Variants in MACROD2 observed in about 807,000 individuals in gnomAD.
The protein encoded by MACROD2 is ADP-ribose glycohydrolase MACROD2.
MACROD2 carries 36 observed loss-of-function variants against 70.4 expected under a neutral mutation model. The ratio of observed to expected loss-of-function variants is 0.51; its 90% CI spans 0.39 to 0.68. MACROD2 has a LOEUF of 0.68. MACROD2 is among the 30% of genes least tolerant of loss of function. MACROD2 has a pLI of 0.00. For missense variants in MACROD2, 496 were observed against 538.4 expected (o/e 0.92, Z 0.78); for synonymous variants, 172 against 178.8 (o/e 0.96, Z 0.30).
chr20:15,713,993 A>ACGCG lies in MACROD2; in HGVS notation c.646-148751_646-148750insGCGC, dbSNP rs146331658. ...AGTAAACACACACACATATGCACACACACACACACACACACACACACACAC... is the reference window on the plus strand; with the variant it reads ...AGTAAACACACACACATATGCACACACGCGCACACACACACACACACACACACAC... On this transcript the variant is annotated intron_variant, in intron 8 of 17. Transcript: ENST00000684519. 9.4e-4 allele frequency among the ~76,000 whole-genome samples: 118 copies of ACGCG among 125,756 alleles called. 1 individual carries two copies. Among genetic ancestry groups the ACGCG allele is most frequent in the African/African-American group, 3.3e-3 (70 of 21,048 alleles). The allele number at this position is 125,756 out of a possible 152,430, so 82.5% of individuals were successfully genotyped here.
chr20:16,000,903 C>T (rs1310413598), intron 15 of MACROD2, among the ~76,000 whole-genome samples: 1 of 152,178 alleles, frequency 6.6e-6, no homozygotes, highest in East Asian at 1.9e-4. Flanking sequence ...TACATTTATA[C>T]AGTGGTTGGA....
intron 8 of MACROD2, among the ~76,000 whole-genome samples, chr20:15,754,639 A>G (rs2051320871): frequency 6.6e-6 from 1 of 152,022 alleles, no homozygotes; most frequent in South Asian, 2.1e-4. Flanking sequence ...AAAAGAAAAA[A>G]AAAAAGAGCC....
intron 8 of MACROD2, among the ~76,000 whole-genome samples, chr20:15,793,779 T>C (rs2063647169): frequency 6.7e-6 from 1 of 148,318 alleles, no homozygotes; most frequent in East Asian, 1.9e-4. Context: ...ATTTTAAGAA[T>C]ATTGGGGATT....
intron 3 of MACROD2, among the ~76,000 whole-genome samples, chr20:14,348,963 G>A (rs150268816): frequency 6.6e-6 from 1 of 152,136 alleles, no homozygotes; most frequent in Non-Finnish European, 1.5e-5. Flanking sequence ...AGCTACTTGG[G>A]AGGCTGAGGT....
Position 15,499,759 on chromosome 20 carries a change from C to T in MACROD2, c.572-15C>T. 1 of 1,613,100 alleles carries T rather than the reference C, an allele frequency of 6.2e-7. No individual in the cohort carries two copies. The highest frequency in any genetic ancestry group is 8.5e-7 in the Non-Finnish European group (1 of 1,179,262). ...TCTTTCGTTGTTCATTTGTTTTTTC[C>T]TGCTCTTCATCTAGGCTTTCCCAAC... On this transcript the variant is annotated splice_polypyrimidine_tract_variant and intron_variant, in intron 7 of 17. Transcript: ENST00000684519.
At chr20:14,395,675 C>G (rs1054129750) in intron 3 of MACROD2, among the ~76,000 whole-genome samples, 1 of 152,068 alleles carries the variant, frequency 6.6e-6, no homozygotes, top group East Asian at 1.9e-4. Context: ...AAAGTGGCAG[C>G]TAGGTCATTA....
At chr20:15,808,545 CT>C (rs1163053314) in intron 8 of MACROD2, among the ~76,000 whole-genome samples, 1 of 152,074 alleles carries the variant, frequency 6.6e-6, no homozygotes, top group African/African-American at 2.4e-5. Flanking sequence ...TTTCAACTTA[CT>C]ATTTTACTTA....
intron 8 of MACROD2, among the ~76,000 whole-genome samples, chr20:15,753,027 A>G (rs2051295473): frequency 6.6e-6 from 1 of 152,198 alleles, no homozygotes; most frequent in African/African-American, 2.4e-5. Flanking sequence ...TGAGAAATTT[A>G]TACTCTTTTG....
At chr20:15,699,449 G>T (rs1157311868) in intron 8 of MACROD2, among the ~76,000 whole-genome samples, 1 of 152,154 alleles carries the variant, frequency 6.6e-6, no homozygotes, top group African/African-American at 2.4e-5. Flanking sequence ...TCTCAGCCAC[G>T]GATACCAGCA....
intron 3 of MACROD2, among the ~76,000 whole-genome samples, chr20:14,489,702 C>G (rs1221632311): frequency 6.6e-6 from 1 of 152,020 alleles, no homozygotes; most frequent in Admixed American, 6.6e-5. Flanking sequence ...AAACTCTGTA[C>G]GAATAGTTTT....
intron 5 of MACROD2, among the ~76,000 whole-genome samples, chr20:14,940,955 T>A (rs1019292306): frequency 2.5e-4 from 38 of 152,318 alleles, no homozygotes; most frequent in African/African-American, 8.2e-4. Context: ...TTTTGAAGAA[T>A]TTGAGTAGAA....
At chr20:15,760,904 A>G (rs529963655) in intron 8 of MACROD2, among the ~76,000 whole-genome samples, 13 of 152,250 alleles carry the variant, frequency 8.5e-5, no homozygotes, top group Non-Finnish European at 1.8e-4. Context: ...AGGAGAAAAA[A>G]CAAAAAGGCT....
intron 5 of MACROD2, among the ~76,000 whole-genome samples, chr20:15,186,562 G>C (rs1374289551): frequency 1.3e-5 from 2 of 152,036 alleles, no homozygotes; most frequent in East Asian, 3.9e-4. Flanking sequence ...TGTTGGAGAT[G>C]GTATACCCAA....
chr20:15,318,194 T>C (rs556216677), intron 6 of MACROD2, among the ~76,000 whole-genome samples: 1 of 152,238 alleles, frequency 6.6e-6, no homozygotes, highest in Non-Finnish European at 1.5e-5. Flanking sequence ...CATAAGAGAA[T>C]ATTTGAACTA....
Position 15,338,118 on chromosome 20 carries a change from C to T in MACROD2, c.541-93287C>T, listed in dbSNP as rs187116543. Among the ~76,000 whole-genome samples the T allele has an allele frequency of 2.3e-3, 348 of 151,558 alleles. 1 individual carries two copies. Among genetic ancestry groups the T allele is most frequent in the Middle Eastern group, 0.014 (4 of 294 alleles). Reference sequence around the variant, plus strand: ...AGGTGAGCTAAACTATTTATCCAAGCAATGCTTATTTCTCCCTATCTGCCT... The same window carrying T: ...AGGTGAGCTAAACTATTTATCCAAGTAATGCTTATTTCTCCCTATCTGCCT... On this transcript the variant is annotated intron_variant, in intron 6 of 17. Transcript: ENST00000684519.
At chr20:14,853,970 G>A (rs2073226512) in intron 5 of MACROD2, among the ~76,000 whole-genome samples, 1 of 152,110 alleles carries the variant, frequency 6.6e-6, no homozygotes, top group Admixed American at 6.5e-5. Flanking sequence ...GGTGTATTTT[G>A]TGTCTGTTAA....
intron 4 of MACROD2, among the ~76,000 whole-genome samples, chr20:14,612,853 C>G (rs1335777404): frequency 1.3e-5 from 2 of 152,054 alleles, no homozygotes; most frequent in Non-Finnish European, 2.9e-5. Context: ...GGAAAAAAAT[C>G]AGCTACTACT....
intron 6 of MACROD2, among the ~76,000 whole-genome samples, chr20:15,406,215 A>G (rs1380334359): frequency 6.6e-6 from 1 of 152,244 alleles, no homozygotes; most frequent in African/African-American, 2.4e-5. Context: ...CCTGCAATGC[A>G]AAGTGAGGAT....
intron 5 of MACROD2, among the ~76,000 whole-genome samples, chr20:14,746,487 A>G (rs1293760419): frequency 1.3e-5 from 2 of 152,144 alleles, no homozygotes; most frequent in Admixed American, 1.3e-4. Context: ...TTTTGTGATC[A>G]TGATGTTTGT....
Sources: allele counts gnomAD v4.1 joint callset (sites outside exome capture counted in the v4.1 genomes callset), GRCh38; gene constraint gnomAD v4.1.1; transcripts MANE v1.5; gene names NCBI Gene and HGNC (gene_info 2026-07-23, HGNC 2026-07-21).